CCNT2: variants seen among roughly 807,000 people sequenced by gnomAD.
CCNT2 encodes the protein cyclin T2.
Under a neutral mutation model 70.0 loss-of-function variants are expected in CCNT2, and 18 were observed. That is an observed-to-expected ratio of 0.26 (90% confidence interval 0.18 to 0.38). CCNT2 has a LOEUF of 0.38. CCNT2 is among the 10% of genes least tolerant of loss of function. The pLI is 1.00. For missense variants in CCNT2, 734 were observed against 890.2 expected, an observed-to-expected ratio of 0.82 and a Z score of 2.23; for synonymous variants, 334 against 313.3, an observed-to-expected ratio of 1.07 and a Z score of -0.70.
At chr2:134,947,999 T>A in intron 7 of CCNT2, 100 bp downstream of exon 7, 1 of 607,354 alleles carries the variant, frequency 1.6e-6, no homozygotes. Context: ...ATGAACAGAA[T>A]GAAAACAACA....
rs1372796961 is a variant in CCNT2, at chr2:134,922,061, C to T, written c.240+2170C>T. Reference sequence around the variant, plus strand: ...CCGCCTCACTTTTATCTTTCTTCCCCCCTGTTCTTTTAGGGCAAAGGGGGT... The same window carrying T: ...CCGCCTCACTTTTATCTTTCTTCCCTCCTGTTCTTTTAGGGCAAAGGGGGT... On this transcript the variant is annotated intron_variant, in intron 2 of 8. Coordinates refer to ENST00000264157, the MANE Select transcript of CCNT2 (RefSeq NM_058241.3). 3.3e-5 allele frequency among the ~76,000 whole-genome samples: 5 copies of T among 152,108 alleles called. No individual in the cohort carries two copies. In the East Asian group the frequency reaches 7.7e-4, roughly 23 times the overall value.
At chr2:134,943,525 G>A (rs1237224956) in intron 5 of CCNT2, 10 of 984,716 alleles carry the variant, frequency 1.0e-5, no homozygotes, top group Admixed American at 6.2e-5. Flanking sequence ...TTTTTGTAAC[G>A]GAGAAATAAT....
intron 2 of CCNT2, among the ~76,000 whole-genome samples, chr2:134,932,073 C>T (rs759576563): frequency 3.5e-4 from 53 of 152,052 alleles, no homozygotes; most frequent in Non-Finnish European, 5.4e-4. Context: ...CAACCTCCGC[C>T]TCCCAGGTTC....
rs140163816 is a variant in CCNT2 at position 134,929,613 on chromosome 2, CAGAG to C, written c.241-7208_241-7205del. Among the ~76,000 whole-genome samples, 162 of 117,636 alleles carry C rather than the reference CAGAG, an allele frequency of 1.4e-3. 1 individual carries two copies. The highest frequency in any genetic ancestry group is 4.8e-3 in the African/African-American group (134 of 28,094). 77.2% of individuals were successfully genotyped at this position (117,636 alleles called of 152,430 possible). On this transcript the variant is annotated intron_variant, in intron 2 of 8. Coordinates refer to ENST00000264157, the MANE Select transcript of CCNT2 (RefSeq NM_058241.3). ...ACAGAGCAAGACCCTGTCTCAAAAA[CAGAG>C]AGAGAGAGAGAGAGAGAGAACTAAT... is the stretch of plus-strand genomic sequence containing the variant.
chr2:134,947,008 AT>A (rs1003819165), intron 6 of CCNT2, among the ~76,000 whole-genome samples: 3 of 152,180 alleles, frequency 2.0e-5, no homozygotes, highest in Non-Finnish European at 4.4e-5. Flanking sequence ...TTTAACCTCT[AT>A]CCCCAGTAAT....
intron 4 of CCNT2, 66 bp from the exon 5 acceptor site, chr2:134,942,546 T>C: frequency 1.9e-6 from 2 of 1,076,938 alleles, no homozygotes; most frequent in East Asian, 2.5e-5. Context: ...ATTATACGTT[T>C]ATGGCATTTC....
At chr2:134,942,543 G>GT (rs1333574712) in intron 4 of CCNT2, 69 bp from the exon 5 acceptor site, 2 of 1,042,206 alleles carry the variant, frequency 1.9e-6, no homozygotes, top group African/African-American at 1.6e-5. Context: ...TATATTATAC[G>GT]TTTATGGCAT....
intron 8 of CCNT2, 129 bp from the exon 9 acceptor site, chr2:134,953,101 G>C (rs1250369634): frequency 1.6e-6 from 1 of 635,132 alleles, no homozygotes; most frequent in Non-Finnish European, 2.6e-6. Context: ...ATAAAATCTT[G>C]AACCCCAGGT....
chr2:134,949,080 G>T (rs956605239), intron 7 of CCNT2, among the ~76,000 whole-genome samples: 4 of 151,974 alleles, frequency 2.6e-5, no homozygotes, highest in African/African-American at 4.8e-5. Flanking sequence ...GAGCGCAGTG[G>T]TGCAACCTGG....
Position 134,946,575 on chromosome 2 carries a change from A to G in CCNT2, c.539+429A>G, listed in dbSNP as rs1681982908. On this transcript the variant is annotated intron_variant, in intron 6 of 8. Coordinates refer to ENST00000264157, the MANE Select transcript of CCNT2 (RefSeq NM_058241.3). Reference sequence around the variant, plus strand: ...ATACTCATTAAAGTTTTTTTAATAAATAAAATTTATGTAATTTGAAATTTT... The same window carrying G: ...ATACTCATTAAAGTTTTTTTAATAAGTAAAATTTATGTAATTTGAAATTTT... 4 of 223,358 alleles carry G rather than the reference A, an allele frequency of 1.8e-5. No homozygotes were observed. The Admixed American group carries it at 2.6e-4, about 15-fold the overall frequency. The allele number at this position is 223,358 out of a possible 1,614,324, so 13.8% of individuals were successfully genotyped here. A position where few individuals can be genotyped will look rare whatever the true frequency, so the allele number is the denominator to read the frequency against.
At chr2:134,950,837 T>G (rs747609944) in intron 7 of CCNT2, among the ~76,000 whole-genome samples, 1 of 152,218 alleles carries the variant, frequency 6.6e-6, no homozygotes, top group Non-Finnish European at 1.5e-5. Flanking sequence ...ATTATGTTAA[T>G]GGATTATTTA....
At chr2:134,942,538 T>C in intron 4 of CCNT2, 74 bp from the exon 5 acceptor site, 1 of 947,780 alleles carries the variant, frequency 1.1e-6, no homozygotes, top group Non-Finnish European at 1.6e-6. Context: ...AAGAATATAT[T>C]ATACGTTTAT....
chr2:134,924,524 G>A (rs7558881), intron 2 of CCNT2, among the ~76,000 whole-genome samples: 52,721 of 151,782 alleles, frequency 0.35, 9,932 homozygotes, highest in Middle Eastern at 0.67. Context: ...ATCTCGGCTC[G>A]CTGCAACCTC....
Position 134,949,805 on chromosome 2 carries a change from G to C in CCNT2, c.703+1906G>C, listed in dbSNP as rs527710123. 4.4e-4 allele frequency among the ~76,000 whole-genome samples: 61 copies of C among 139,520 alleles called. 1 individual carries two copies. The highest frequency in any genetic ancestry group is 7.1e-4 in the African/African-American group (27 of 37,778). 91.5% of individuals were successfully genotyped at this position (139,520 alleles called of 152,430 possible). A position where few individuals can be genotyped will look rare whatever the true frequency, so the allele number is the denominator to read the frequency against. The stretch of plus-strand genomic sequence containing the variant: ...TAGGTAGGCAAAATTTTTTTTTCGG[G>C]GGGGGGGTGGGGGACAGAGTCTCAG... On this transcript the variant is annotated intron_variant, in intron 7 of 8. Coordinates refer to ENST00000264157, the MANE Select transcript of CCNT2 (RefSeq NM_058241.3).
intron 7 of CCNT2, among the ~76,000 whole-genome samples, chr2:134,949,061 C>T (rs890373104): frequency 1.3e-5 from 2 of 151,932 alleles, no homozygotes; most frequent in Non-Finnish European, 2.9e-5. Flanking sequence ...CACTCTGCCC[C>T]CCAAGCTGGA....
At chr2:134,935,672 A>G (rs191126478) in intron 2 of CCNT2, among the ~76,000 whole-genome samples, 5 of 152,232 alleles carry the variant, frequency 3.3e-5, no homozygotes, top group East Asian at 1.9e-4. Flanking sequence ...TTTTATGCCT[A>G]TTTTCTAAGT....
chr2:134,953,154 T>C, intron 8 of CCNT2, 76 bp from the exon 9 acceptor site: 2 of 1,006,560 alleles, frequency 2.0e-6, no homozygotes, highest in Non-Finnish European at 2.9e-6. Flanking sequence ...TTTTAATATA[T>C]AACTTTTATA....
intron 2 of CCNT2, among the ~76,000 whole-genome samples, chr2:134,929,611 A>AGAGAGAGAGAGAGAG (rs1680574843): frequency 2.0e-5 from 1 of 50,112 alleles, no homozygotes; most frequent in Admixed American, 3.0e-4. Context: ...CTGTCTCAAA[A>AGAGAGAGAGAGAGAG]ACAGAGAGAG....
chr2:134,935,150 G>A (rs984482331), intron 2 of CCNT2, among the ~76,000 whole-genome samples: 5 of 152,162 alleles, frequency 3.3e-5, no homozygotes, highest in African/African-American at 1.2e-4. Context: ...GCTACTTCCA[G>A]ACTAAATTAC....
Sources: allele counts gnomAD v4.1 joint callset (sites outside exome capture counted in the v4.1 genomes callset), GRCh38; gene constraint gnomAD v4.1.1; transcripts MANE v1.5; gene names NCBI Gene and HGNC (gene_info 2026-07-23, HGNC 2026-07-21).